Variants in CRLF3 observed in about 807,000 individuals in gnomAD.
CRLF3 encodes the protein cytokine receptor-like factor 3.
CRLF3 carries 33 observed loss-of-function variants against 55.0 expected under a neutral mutation model. That is an observed-to-expected ratio of 0.60 (90% CI 0.46 to 0.80). The LOEUF (loss-of-function observed/expected upper bound fraction) is 0.80, where lower values mean the gene tolerates loss of function less well. Ranked by LOEUF, CRLF3 falls within the 30% of genes least tolerant of loss-of-function variation. The pLI, the probability that CRLF3 is intolerant of heterozygous loss-of-function variation, is 0.00. For missense variants in CRLF3, 494 were observed against 538.4 expected, an observed-to-expected ratio of 0.92 and a Z score of 0.82; for synonymous variants, 238 against 196.8, an observed-to-expected ratio of 1.21 and a Z score of -1.75.
intron 1 of CRLF3, among the ~76,000 whole-genome samples, chr17:30,804,653 C>A (rs60593733): frequency 0.073 from 11,091 of 152,196 alleles, 1,195 homozygotes; most frequent in African/African-American, 0.24. Context: ...TCACAAATGA[C>A]AGAATTTCCT....
intron 1 of CRLF3, among the ~76,000 whole-genome samples, chr17:30,822,280 C>T (rs7220999): frequency 0.14 from 20,640 of 152,032 alleles, 1,501 homozygotes; most frequent in South Asian, 0.25. Context: ...CAGCTGCTTA[C>T]TTTGATAATA....
chr17:30,796,053 T>G, intron 4 of CRLF3, 107 bp downstream of exon 4: 3 of 650,234 alleles, frequency 4.6e-6, no homozygotes, highest in Non-Finnish European at 7.4e-6. Context: ...GATTTTTGTT[T>G]GAGAAGAAAA....
intron 1 of CRLF3, among the ~76,000 whole-genome samples, chr17:30,808,739 T>C (rs1032530528): frequency 1.3e-5 from 2 of 151,906 alleles, no homozygotes; most frequent in African/African-American, 4.8e-5. Flanking sequence ...ATTACAGGCA[T>C]GCGCCACCAA....
chr17:30,797,228 T>G, intron 3 of CRLF3, 83 bp downstream of exon 3: 53 of 957,864 alleles, frequency 5.5e-5, no homozygotes, highest in Non-Finnish European at 7.1e-5. Context: ...TCTCCCTTAA[T>G]GAGAATCTTG....
In CRLF3 at chr17:30,783,036, GTATT is replaced by G. The variant is rs572222501; in HGVS notation, c.*1147_*1150del. ...TTAAGTAAGTTTTTAAAAAAAATAA[GTATT>G]TACGCTATATTTTTTTGCTCTGCTA... On this transcript the variant is annotated 3_prime_UTR_variant, in exon 8 of 8. Transcript: ENST00000324238. The G allele has an allele frequency of 3.3e-4, 50 of 152,120 alleles. No individual in the cohort carries two copies. Among genetic ancestry groups the G allele is most frequent in the African/African-American group, 4.3e-4 (18 of 41,488 alleles). The allele number at this position is 152,120 out of a possible 1,614,324, so 9.4% of individuals were successfully genotyped here.
At position 30,787,865 on chromosome 17, in the gene CRLF3, G is replaced by A. The variant is rs150013436; in HGVS notation, c.960-1834C>T. ...AAAATACAAAAATTAGCTGGGTGTG[G>A]TAGTGGCTCCTGTAATCCTAGCTAC... is the stretch of plus-strand genomic sequence containing the variant. On this transcript the variant is annotated intron_variant, in intron 6 of 7. Coordinates refer to ENST00000324238, the MANE Select transcript of CRLF3 (RefSeq NM_015986.4). Among the ~76,000 whole-genome samples the A allele has an allele frequency of 1.5e-3, 229 of 152,208 alleles. 3 individuals carry two copies. The highest frequency in any genetic ancestry group is 5.2e-3 in the African/African-American group (214 of 41,528).
At chr17:30,799,096 ACT>A in intron 2 of CRLF3, among the ~76,000 whole-genome samples, 1 of 151,998 alleles carries the variant, frequency 6.6e-6, no homozygotes, top group South Asian at 2.1e-4. Context: ...ACATGGTGAA[ACT>A]CTGTCTCTAT....
intron 1 of CRLF3, among the ~76,000 whole-genome samples, chr17:30,817,137 T>G (rs1904832338): frequency 6.6e-6 from 1 of 152,110 alleles, no homozygotes; most frequent in African/African-American, 2.4e-5. Flanking sequence ...TCCACCTCTG[T>G]ATTAAAAATG....
At chr17:30,797,268 T>G in intron 3 of CRLF3, 43 bp downstream of exon 3, 1 of 1,344,278 alleles carries the variant, frequency 7.4e-7, no homozygotes, top group Non-Finnish European at 1.1e-6. Context: ...CAGACATAGT[T>G]TAAATGCTTA....
rs547387267 is a variant in CRLF3, at chr17:30,824,584, G to A, written c.68C>T (p.Ala23Val). ...ACCCAGCTCCCGCCGGTAGCTCTGCGCTGCCTCCACGTTCTCGCGGGCCTC... is the reference window on the plus strand; with the variant it reads ...ACCCAGCTCCCGCCGGTAGCTCTGCACTGCCTCCACGTTCTCGCGGGCCTC... ...LQEARENVEAAQSYRRELGHR... is the reference protein window; with the variant it reads ...LQEARENVEAVQSYRRELGHR... Residue 23 changes from alanine to valine, a missense_variant, in exon 1 of 8, where the codon GCG becomes GTG. Ala to Val is a moderately conservative substitution (Grantham distance 64, BLOSUM62 0). Transcript: ENST00000324238. The A allele has an allele frequency of 1.9e-6, 3 of 1,604,812 alleles. No homozygotes were observed. The highest frequency in any genetic ancestry group is 1.1e-5 in the South Asian group (1 of 90,738).
intron 1 of CRLF3, among the ~76,000 whole-genome samples, chr17:30,815,191 T>C (rs138417530): frequency 0.024 from 3,568 of 148,306 alleles, 143 homozygotes; most frequent in African/African-American, 0.08. Context: ...GTTCAAGCAA[T>C]TCTCCTGCCT....
At chr17:30,784,798 G>C (rs1384075692) in intron 7 of CRLF3, 3 of 193,774 alleles carry the variant, frequency 1.5e-5, no homozygotes, top group Non-Finnish European at 3.1e-5. Flanking sequence ...CACTCTTGTT[G>C]CCCAGGCTGG....
rs1403103706 is a variant in CRLF3, at chr17:30,792,690, CAATAA to C, written c.827-123_827-119del. On this transcript the variant is annotated intron_variant, in intron 5 of 7. Transcript: ENST00000324238. ...TACTCTTAGGGGCCATGGTCAAGTT[CAATAA>C]AATAAAAGATTCCATTAACAGGGTA... 2.5e-5 allele frequency: 21 copies of C among 856,080 alleles called. No individual in the cohort carries two copies. The East Asian group carries it at 4.4e-4, about 18-fold the overall frequency. The allele number at this position is 856,080 out of a possible 1,614,324, so 53.0% of individuals were successfully genotyped here. A position where few individuals can be genotyped will look rare whatever the true frequency, so the allele number is the denominator to read the frequency against.
chr17:30,784,049 A>G lies in CRLF3; in HGVS notation c.*138T>C, dbSNP rs1971572532. On this transcript the variant is annotated 3_prime_UTR_variant, in exon 8 of 8. Coordinates refer to ENST00000324238, the MANE Select transcript of CRLF3 (RefSeq NM_015986.4). ...TGAAGTCTCTTTTTGCTAAAATATT[A>G]CAAAATGAATCCAGTAAACACTTTC... 1 of 724,956 alleles carries G rather than the reference A, an allele frequency of 1.4e-6. No individual in the cohort carries two copies. Among genetic ancestry groups the G allele is most frequent in the South Asian group, 2.1e-5 (1 of 47,700 alleles). 44.9% of individuals were successfully genotyped at this position (724,956 alleles called of 1,614,324 possible). A position where few individuals can be genotyped will look rare whatever the true frequency, so the allele number is the denominator to read the frequency against.
At position 30,784,428 on chromosome 17, in the gene CRLF3, T is replaced by C. The variant is rs767225232; in HGVS notation, c.1088A>G (p.Asn363Ser). 1 of 1,612,500 alleles carries C rather than the reference T, an allele frequency of 6.2e-7. No individual in the cohort carries two copies. The highest frequency in any genetic ancestry group is 2.2e-5 in the East Asian group (1 of 44,850). Reference protein sequence around the residue: ...CISTNGAVFVNGKEMTNQLPA... With the variant: ...CISTNGAVFVSGKEMTNQLPA... ...TAACTGATTTGTCATTTCTTTTCCA[T>C]TGACAAAAACTGCACCTAAAATGTT... Residue 363 changes from asparagine to serine, a missense_variant, in exon 8 of 8, where the codon AAT becomes AGT. By Grantham distance (46) the Asn-to-Ser change is conservative. Transcript: ENST00000324238.
chr17:30,816,752 G>A (rs907905713), intron 1 of CRLF3, among the ~76,000 whole-genome samples: 1 of 152,008 alleles, frequency 6.6e-6, no homozygotes, highest in Non-Finnish European at 1.5e-5. Context: ...GCCTCTCAAA[G>A]TGCTGGGACT....
intron 2 of CRLF3, among the ~76,000 whole-genome samples, chr17:30,799,166 G>C (rs747590416): frequency 6.6e-6 from 1 of 151,970 alleles, no homozygotes; most frequent in Non-Finnish European, 1.5e-5. Flanking sequence ...CCAGCTACTC[G>C]GGAGGCTGAG....
intron 1 of CRLF3, among the ~76,000 whole-genome samples, chr17:30,813,684 T>C (rs1904694268): frequency 6.6e-6 from 1 of 152,070 alleles, no homozygotes; most frequent in African/African-American, 2.4e-5. Flanking sequence ...ACATCTGCCA[T>C]GTTGGTATGC....
chr17:30,821,297 G>C (rs542135849), intron 1 of CRLF3, among the ~76,000 whole-genome samples: 1 of 150,320 alleles, frequency 6.7e-6, no homozygotes, highest in Admixed American at 6.6e-5. Context: ...CTGAGATTGT[G>C]CCACTGCACT....
Sources: gnomAD v4.1 joint callset for allele counts (sites outside exome capture counted in the v4.1 genomes callset) on GRCh38, gnomAD v4.1.1 for gene constraint, MANE v1.5 for transcripts, NCBI Gene and HGNC (gene_info 2026-07-23, HGNC 2026-07-21) for gene names.